The following PPARGC1B variants were observed in gnomAD, a reference collection of about 807,000 sequenced individuals.
PPARGC1B encodes peroxisome proliferator-activated receptor gamma coactivator 1-beta.
A neutral mutation model predicts 101.6 loss-of-function variants in PPARGC1B; 34 were observed. The ratio of observed to expected loss-of-function variants is 0.33; its 90% CI spans 0.25 to 0.45. The LOEUF (loss-of-function observed/expected upper bound fraction) is 0.45, where lower values mean the gene tolerates loss of function less well. Ranked by LOEUF, PPARGC1B falls within the 20% of genes least tolerant of loss-of-function variation. The pLI, the probability that PPARGC1B is intolerant of heterozygous loss-of-function variation, is 1.00. For synonymous variants in PPARGC1B, 548 were observed against 539.3 expected, an observed-to-expected ratio of 1.02 and a Z score of -0.22; for missense variants, 1,234 against 1,317.6, an observed-to-expected ratio of 0.94 and a Z score of 0.98.
intron 1 of PPARGC1B, among the ~76,000 whole-genome samples, chr5:149,807,332 C>T (rs145150626): frequency 6.6e-6 from 1 of 152,124 alleles, no homozygotes; most frequent in African/African-American, 2.4e-5. Context: ...TCCCTAGGCA[C>T]ATCTGAATTT....
intron 10 of PPARGC1B, among the ~76,000 whole-genome samples, chr5:149,842,958 A>G (rs1759407949): frequency 6.6e-6 from 1 of 152,210 alleles, no homozygotes; most frequent in Non-Finnish European, 1.5e-5. Context: ...ACTTGAGGTC[A>G]AGAGTTCAAG....
At chr5:149,796,927 A>G (rs971579987) in intron 1 of PPARGC1B, among the ~76,000 whole-genome samples, 1 of 152,232 alleles carries the variant, frequency 6.6e-6, no homozygotes, top group Non-Finnish European at 1.5e-5. Context: ...GGCATAGCCG[A>G]GGACAGAGTT....
chr5:149,769,473 A>C (rs938982476), intron 1 of PPARGC1B, among the ~76,000 whole-genome samples: 6 of 152,188 alleles, frequency 3.9e-5, no homozygotes, highest in Admixed American at 3.3e-4. Flanking sequence ...CGGGGAGCTC[A>C]TCCAGGAGGG....
intron 1 of PPARGC1B, among the ~76,000 whole-genome samples, chr5:149,734,019 CT>C (rs1270602396): frequency 1.3e-5 from 2 of 152,050 alleles, no homozygotes; most frequent in East Asian, 3.9e-4. Flanking sequence ...TAGATCACAT[CT>C]TATTTTTAAA....
chr5:149,835,203 G>A, intron 6 of PPARGC1B, 98 bp from the exon 7 acceptor site: 1 of 1,066,852 alleles, frequency 9.4e-7, no homozygotes, highest in South Asian at 1.3e-5. Context: ...TGGAACCAGG[G>A]CCTGTCACAG....
chr5:149,833,492 G>A lies in PPARGC1B; in HGVS notation c.1419G>A (p.Val473=). 2.6e-6 allele frequency: 4 copies of A among 1,565,040 alleles called. No homozygotes were observed. Among genetic ancestry groups the A allele is most frequent in the Non-Finnish European group, 3.5e-6 (4 of 1,154,574 alleles). Residue 473 remains valine, a synonymous_variant, in exon 5 of 12, where the codon GTG becomes GTA. Coordinates refer to ENST00000309241, the MANE Select transcript of PPARGC1B (RefSeq NM_133263.4). This position sits in a 1 kb window ranked among gnomAD's most constrained non-coding sequence, Gnocchi z 4.1. ...TGGGGAGGAAGCTGGAGAGCTCTGT[G>A]TGCCCCGTGCGGCGTTCTCGGAGAC... is the stretch of plus-strand genomic sequence containing the variant. ...TKLGRKLESS[V]CPVRRSRRLN...
chr5:149,848,404 G>A lies in PPARGC1B; in HGVS notation c.*846G>A, dbSNP rs1759654966. 6.6e-6 allele frequency: 1 copy of A among 152,258 alleles called. No individual in the cohort carries two copies. The highest frequency in any genetic ancestry group is 6.5e-5 in the Admixed American group (1 of 15,278). The allele number at this position is 152,258 out of a possible 1,614,324, so 9.4% of individuals were successfully genotyped here. On this transcript the variant is annotated 3_prime_UTR_variant, in exon 12 of 12. Coordinates refer to ENST00000309241, the MANE Select transcript of PPARGC1B (RefSeq NM_133263.4). ...CTCCTCAAGAGGCGAAATGACTGTG[G>A]GAGGTCCGGTTACCAGTGAGGAGGC...
At chr5:149,756,470 CA>C (rs1297291563) in intron 1 of PPARGC1B, among the ~76,000 whole-genome samples, 2 of 152,024 alleles carry the variant, frequency 1.3e-5, no homozygotes, top group African/African-American at 4.8e-5. Context: ...AAACAAAAAA[CA>C]AAAAACCAAA....
At position 149,755,040 on chromosome 5, in the gene PPARGC1B, CATATACATATACATATATAT is replaced by C. The variant is rs1441541390; in HGVS notation, c.78+24626_78+24645del. 4.3e-3 allele frequency among the ~76,000 whole-genome samples: 364 copies of C among 85,256 alleles called. 3 individuals are homozygous for C. The highest frequency in any genetic ancestry group is 0.026 in the African/African-American group (344 of 13,090). 55.9% of individuals were successfully genotyped at this position (85,256 alleles called of 152,430 possible). A position where few individuals can be genotyped will look rare whatever the true frequency, so the allele number is the denominator to read the frequency against. The stretch of plus-strand genomic sequence containing the variant: ...TACCCACACATATACACTACATATA[CATATACATATACATATATAT>C]ATATATATATATAATTTTTTTTTCT... On this transcript the variant is annotated intron_variant, in intron 1 of 11. Coordinates refer to ENST00000309241, the MANE Select transcript of PPARGC1B (RefSeq NM_133263.4).
chr5:149,767,966 A>C (rs1410066512), intron 1 of PPARGC1B, among the ~76,000 whole-genome samples: 1 of 151,968 alleles, frequency 6.6e-6, no homozygotes, highest in Non-Finnish European at 1.5e-5. Flanking sequence ...CATAATGTAG[A>C]ATCAGTGGGA....
chr5:149,757,860 C>T (rs1407841101), intron 1 of PPARGC1B, among the ~76,000 whole-genome samples: 1 of 152,248 alleles, frequency 6.6e-6, no homozygotes, highest in Non-Finnish European at 1.5e-5. Flanking sequence ...AGGGCTGGAG[C>T]CCACAGACCC....
intron 9 of PPARGC1B, 23 bp downstream of exon 9, chr5:149,840,139 G>A (rs1759275271): frequency 1.9e-6 from 3 of 1,602,270 alleles, no homozygotes; most frequent in Admixed American, 1.7e-5. Context: ...GGGGCCCAGA[G>A]CCTGGAGTGA....
chr5:149,801,464 G>C (rs1757427762), intron 1 of PPARGC1B, among the ~76,000 whole-genome samples: 1 of 152,190 alleles, frequency 6.6e-6, no homozygotes, highest in Admixed American at 6.5e-5. Context: ...GCTATGTCAG[G>C]GGACAGATCC....
intron 3 of PPARGC1B, among the ~76,000 whole-genome samples, chr5:149,827,702 A>G (rs569331589): frequency 1.3e-5 from 2 of 152,360 alleles, no homozygotes; most frequent in African/African-American, 4.8e-5. Flanking sequence ...CACCAGCAGA[A>G]GTTAAATGCG....
At chr5:149,796,552 C>T (rs1368814319) in intron 1 of PPARGC1B, among the ~76,000 whole-genome samples, 1 of 152,048 alleles carries the variant, frequency 6.6e-6, no homozygotes, top group African/African-American at 2.4e-5. Flanking sequence ...GAGAGACCAA[C>T]TTGGGGTGGG....
intron 1 of PPARGC1B, among the ~76,000 whole-genome samples, chr5:149,738,261 T>C (rs1028699476): frequency 2.0e-5 from 3 of 152,028 alleles, no homozygotes; most frequent in Non-Finnish European, 4.4e-5. Flanking sequence ...CATTGAATGA[T>C]TAGGAAATCA....
chr5:149,781,783 C>T (rs1161435619), intron 1 of PPARGC1B, among the ~76,000 whole-genome samples: 4 of 151,744 alleles, frequency 2.6e-5, no homozygotes, highest in Non-Finnish European at 4.4e-5. Context: ...AGGCAGACAT[C>T]GCTAATCAAT....
intron 1 of PPARGC1B, among the ~76,000 whole-genome samples, chr5:149,777,964 AGTAT>A (rs1756441992): frequency 2.5e-5 from 2 of 79,412 alleles, no homozygotes; most frequent in Admixed American, 1.4e-4. Flanking sequence ...ACACACACAC[AGTAT>A]CCGGCTGCTT....
In PPARGC1B at chr5:149,749,485, G is replaced by A. The variant is rs1755210244; in HGVS notation, c.78+19065G>A. The stretch of plus-strand genomic sequence containing the variant: ...TCCGCTACTGCTGTCTGAGTTCCCT[G>A]CCTTATCTTGAATTCTTTTTGGAGC... On this transcript the variant is annotated intron_variant, in intron 1 of 11. Coordinates refer to ENST00000309241, the MANE Select transcript of PPARGC1B (RefSeq NM_133263.4). 2.0e-5 allele frequency among the ~76,000 whole-genome samples: 3 copies of A among 152,132 alleles called. No individual in the cohort carries two copies. In the South Asian group the frequency reaches 6.2e-4, roughly 32 times the overall value.
Sources: allele counts gnomAD v4.1 joint callset (sites outside exome capture counted in the v4.1 genomes callset), GRCh38; gene constraint gnomAD v4.1.1; non-coding constraint Gnocchi (gnomAD v3.1); transcripts MANE v1.5; gene names NCBI Gene and HGNC (gene_info 2026-07-23, HGNC 2026-07-21).